EBF1: variants seen among roughly 807,000 people sequenced by gnomAD.
The protein encoded by EBF1 is EBF transcription factor 1.
A neutral mutation model predicts 68.4 loss-of-function variants in EBF1; 10 were observed. That is an observed-to-expected ratio of 0.15 (90% CI 0.09 to 0.25). The LOEUF is 0.25. Ranked by LOEUF, EBF1 falls within the 10% of genes least tolerant of loss-of-function variation. The pLI is 1.00. For missense variants in EBF1, 509 were observed against 794.4 expected, an observed-to-expected ratio of 0.64 and a Z score of 4.32; for synonymous variants, 298 against 299.8, an observed-to-expected ratio of 0.99 and a Z score of 0.06.
intron 6 of EBF1, among the ~76,000 whole-genome samples, chr5:159,053,516 G>A (rs555675844): frequency 5.1e-4 from 78 of 152,078 alleles, no homozygotes; most frequent in Non-Finnish European, 9.3e-4. Flanking sequence ...CAAAACTAAT[G>A]TGACTGAAGT....
intron 6 of EBF1, among the ~76,000 whole-genome samples, chr5:158,883,111 TAA>T (rs397939250): frequency 6.8e-6 from 1 of 147,788 alleles, no homozygotes; most frequent in Non-Finnish European, 1.5e-5. Context: ...TATGTAATGT[TAA>T]AAAAAAAAGT....
intron 10 of EBF1, among the ~76,000 whole-genome samples, chr5:158,775,783 G>GACACAC (rs58752245): frequency 0.011 from 1,401 of 129,552 alleles, 28 homozygotes; most frequent in African/African-American, 0.036. Context: ...CATGCACACA[G>GACACAC]ACACACACAC....
intron 10 of EBF1, among the ~76,000 whole-genome samples, chr5:158,776,309 C>G (rs534012168): frequency 8.8e-5 from 13 of 148,074 alleles, no homozygotes; most frequent in African/African-American, 3.0e-4. Context: ...TTTATAATTT[C>G]GAGAGAGAGA....
chr5:158,830,886 G>A (rs147062415), intron 7 of EBF1, among the ~76,000 whole-genome samples: 9 of 152,312 alleles, frequency 5.9e-5, no homozygotes, highest in African/African-American at 2.2e-4. Flanking sequence ...TAAAGGAGTG[G>A]TTAATGGAAT....
At position 159,085,628 on chromosome 5, in the gene EBF1, C is replaced by T. The variant is rs142777784; in HGVS notation, c.412-889G>A. Among the ~76,000 whole-genome samples, 513 of 152,288 alleles carry T rather than the reference C, an allele frequency of 3.4e-3. 5 individuals are homozygous for T. Among genetic ancestry groups the T allele is most frequent in the Middle Eastern group, 0.024 (7 of 294 alleles). On this transcript the variant is annotated intron_variant, in intron 4 of 15. Coordinates refer to ENST00000313708, the MANE Select transcript of EBF1 (RefSeq NM_024007.5). ...AGTGGGCTACATTTAGCTAATTTAA[C>T]ACTGTATCACGGCATAATACTAATA...
chr5:159,007,057 T>A (rs971860716), intron 6 of EBF1, among the ~76,000 whole-genome samples: 1 of 152,236 alleles, frequency 6.6e-6, no homozygotes, highest in African/African-American at 2.4e-5. Context: ...TTGATTGGAA[T>A]CTGTGATAAT....
chr5:159,069,854 C>T (rs1372679613), intron 6 of EBF1, among the ~76,000 whole-genome samples: 3 of 152,074 alleles, frequency 2.0e-5, no homozygotes. Context: ...ATTTATTGAA[C>T]TAAGATAACT....
chr5:158,839,959 C>T (rs554030891), intron 7 of EBF1, 70 bp downstream of exon 7: 2 of 1,498,392 alleles, frequency 1.3e-6, no homozygotes, highest in Admixed American at 1.7e-5. Context: ...TATCTTCTGC[C>T]TAAGACTTTT....
intron 14 of EBF1, among the ~76,000 whole-genome samples, chr5:158,709,648 G>A (rs1405635186): frequency 1.3e-5 from 2 of 152,180 alleles, no homozygotes; most frequent in Admixed American, 1.3e-4. Flanking sequence ...CAATCCACAC[G>A]CACTGAGTGC....
At chr5:158,988,191 G>A (rs1703084572) in intron 6 of EBF1, among the ~76,000 whole-genome samples, 1 of 152,196 alleles carries the variant, frequency 6.6e-6, no homozygotes, top group African/African-American at 2.4e-5. Flanking sequence ...AGTGGACCTG[G>A]CCCATTCTGG....
intron 6 of EBF1, among the ~76,000 whole-genome samples, chr5:158,905,694 A>T (rs912805691): frequency 6.6e-6 from 1 of 152,178 alleles, no homozygotes; most frequent in African/African-American, 2.4e-5. Flanking sequence ...TTATTAAACT[A>T]CCATAAACCA....
intron 5 of EBF1, among the ~76,000 whole-genome samples, chr5:159,082,406 C>T (rs1429074570): frequency 6.6e-6 from 1 of 152,160 alleles, no homozygotes; most frequent in East Asian, 1.9e-4. Flanking sequence ...TTGGGGAGAG[C>T]AAGCTGTCTT....
intron 6 of EBF1, among the ~76,000 whole-genome samples, chr5:159,047,560 C>T (rs552300016): frequency 6.6e-6 from 1 of 152,176 alleles, no homozygotes; most frequent in South Asian, 2.1e-4. Flanking sequence ...TCCTCGGTTC[C>T]TATAACTGAA....
At chr5:158,900,656 C>T (rs1231270188) in intron 6 of EBF1, among the ~76,000 whole-genome samples, 2 of 152,180 alleles carry the variant, frequency 1.3e-5, no homozygotes, top group Non-Finnish European at 2.9e-5. Flanking sequence ...GACAGCTATT[C>T]CCAAATTTTG....
At chr5:158,718,524 A>G (rs1761238800) in intron 11 of EBF1, among the ~76,000 whole-genome samples, 1 of 152,046 alleles carries the variant, frequency 6.6e-6, no homozygotes, top group South Asian at 2.1e-4. Context: ...GAAGGAGATC[A>G]CTCTCATTTA....
chr5:158,843,584 C>A (rs965676747), intron 6 of EBF1, among the ~76,000 whole-genome samples: 2 of 152,192 alleles, frequency 1.3e-5, no homozygotes, highest in Admixed American at 1.3e-4. Context: ...GACCATCTGT[C>A]GTGGGGAAGA....
intron 6 of EBF1, among the ~76,000 whole-genome samples, chr5:158,865,076 A>G (rs1050378136): frequency 6.6e-6 from 1 of 152,126 alleles, no homozygotes; most frequent in African/African-American, 2.4e-5. Flanking sequence ...AGACAACCCA[A>G]AAATAATTTA....
At chr5:158,796,582 A>G (rs531522326) in intron 8 of EBF1, 107 bp from the exon 9 acceptor site, 1 of 1,334,062 alleles carries the variant, frequency 7.5e-7, no homozygotes, top group East Asian at 2.5e-5. Context: ...TCTTTTCACT[A>G]ACAGAAAGTC....
intron 9 of EBF1, among the ~76,000 whole-genome samples, chr5:158,792,460 C>T (rs1561940374): frequency 6.6e-6 from 1 of 150,496 alleles, no homozygotes; most frequent in Non-Finnish European, 1.5e-5. Context: ...AGATTAGAGT[C>T]TGTTAAGCCA....
Sources: gnomAD v4.1 joint callset for allele counts (sites outside exome capture counted in the v4.1 genomes callset) on GRCh38, gnomAD v4.1.1 for gene constraint, MANE v1.5 for transcripts, NCBI Gene and HGNC (gene_info 2026-07-23, HGNC 2026-07-21) for gene names.